The following AGBL1 variants were observed in gnomAD, a reference collection of about 807,000 sequenced individuals.
AGBL1 encodes AGBL carboxypeptidase 1.
Under a neutral mutation model 118.9 loss-of-function variants are expected in AGBL1, and 130 were observed. The observed-to-expected ratio is 1.09, with a 90% confidence interval of 0.95 to 1.26. The LOEUF (loss-of-function observed/expected upper bound fraction) is 1.26, where lower values mean the gene tolerates loss of function less well. Among genes scored for constraint, AGBL1 ranks in the 50% most tolerant of loss-of-function variants. The probability of loss-of-function intolerance (pLI) is 0.00; values close to 1 mark genes in which losing one functional copy is unlikely to be tolerated. For synonymous variants in AGBL1, 555 were observed against 478.9 expected (o/e 1.16, Z -2.08); for missense variants, 1,584 against 1,298.1 (o/e 1.22, Z -3.38).
At chr15:87,011,744 G>A (rs749254736) in intron 24 of AGBL1, among the ~76,000 whole-genome samples, 4 of 152,180 alleles carry the variant, frequency 2.6e-5, no homozygotes, top group Non-Finnish European at 5.9e-5. Flanking sequence ...TATTTTCTGA[G>A]ATATTTGCTT....
chr15:86,858,089 C>T (rs1192939288), intron 22 of AGBL1, among the ~76,000 whole-genome samples: 2 of 152,244 alleles, frequency 1.3e-5, no homozygotes, highest in East Asian at 3.9e-4. Flanking sequence ...CCCCTGATAC[C>T]ACTTTTACAA....
chr15:86,817,575 G>C lies in AGBL1; in HGVS notation c.3159-89512G>C, dbSNP rs201234620. Among the ~76,000 whole-genome samples, 65 of 130,716 alleles carry C rather than the reference G, an allele frequency of 5.0e-4. 1 individual carries two copies. The highest frequency in any genetic ancestry group is 1.8e-3 in the South Asian group (7 of 3,872). The allele number at this position is 130,716 out of a possible 152,430, so 85.8% of individuals were successfully genotyped here. A position where few individuals can be genotyped will look rare whatever the true frequency, so the allele number is the denominator to read the frequency against. On this transcript the variant is annotated intron_variant, in intron 22 of 22. Transcript: ENST00000614907. ...CACAGAGGAGAGAGAGAAAGAGACA[G>C]ACACACACACACACACACAGAGGAG...
intron 1 of AGBL1, among the ~76,000 whole-genome samples, chr15:86,096,878 G>A (rs1207974494): frequency 6.6e-6 from 1 of 152,098 alleles, no homozygotes; most frequent in Admixed American, 6.6e-5. Flanking sequence ...TCCCCTCTTT[G>A]TGAAATCACC....
chr15:86,994,711 A>C (rs1418464691), intron 24 of AGBL1, among the ~76,000 whole-genome samples: 2 of 152,224 alleles, frequency 1.3e-5, no homozygotes, highest in East Asian at 3.9e-4. Flanking sequence ...TTGTATTTAA[A>C]AATCACATAT....
chr15:86,708,523 G>A (rs1188615882), intron 22 of AGBL1, among the ~76,000 whole-genome samples: 3 of 152,084 alleles, frequency 2.0e-5, no homozygotes, highest in Non-Finnish European at 4.4e-5. Context: ...CCAGTTCGTG[G>A]TATTTGTTAC....
chr15:86,472,688 A>G (rs1021762808), intron 18 of AGBL1, among the ~76,000 whole-genome samples: 1 of 152,174 alleles, frequency 6.6e-6, no homozygotes, highest in African/African-American at 2.4e-5. Flanking sequence ...GGAGGCTGAG[A>G]TGGGTGGATC....
At chr15:86,505,039 T>C (rs1256508003) in intron 18 of AGBL1, among the ~76,000 whole-genome samples, 1 of 151,830 alleles carries the variant, frequency 6.6e-6, no homozygotes, top group Non-Finnish European at 1.5e-5. Context: ...ATAGAATTCT[T>C]GATGTTCAGT....
At chr15:86,196,031 TA>T (rs1193423650) in intron 5 of AGBL1, among the ~76,000 whole-genome samples, 4 of 152,234 alleles carry the variant, frequency 2.6e-5, no homozygotes, top group Non-Finnish European at 5.9e-5. Flanking sequence ...AGACATTTTT[TA>T]AAAACCATAG....
chr15:86,295,569 G>T (rs1269853586), intron 17 of AGBL1, 161 bp downstream of exon 17: 2 of 602,674 alleles, frequency 3.3e-6, no homozygotes, highest in East Asian at 6.3e-5. Flanking sequence ...TGACACAAAG[G>T]TTAAACATTA....
At chr15:86,816,328 C>T (rs139412316) in intron 22 of AGBL1, among the ~76,000 whole-genome samples, 234 of 152,240 alleles carry the variant, frequency 1.5e-3, no homozygotes, top group African/African-American at 5.1e-3. Context: ...TGTGATACAC[C>T]GCAGAATAGT....
intron 22 of AGBL1, among the ~76,000 whole-genome samples, chr15:86,904,993 T>C (rs2080262488): frequency 6.6e-6 from 1 of 152,168 alleles, no homozygotes; most frequent in Non-Finnish European, 1.5e-5. Context: ...TAAAAATAAA[T>C]TAATTTGTAA....
intron 23 of AGBL1, among the ~76,000 whole-genome samples, chr15:86,940,045 C>A: frequency 7.3e-6 from 1 of 137,752 alleles, no homozygotes. Flanking sequence ...ACAAACTCAG[C>A]TAATTTTGGT....
chr15:86,229,996 C>A (rs140700835), intron 6 of AGBL1, among the ~76,000 whole-genome samples: 123 of 152,192 alleles, frequency 8.1e-4, no homozygotes, highest in African/African-American at 2.7e-3. Flanking sequence ...GGCATGGGAA[C>A]AGAAAAGCAA....
intron 22 of AGBL1, among the ~76,000 whole-genome samples, chr15:86,716,049 G>A (rs1372335892): frequency 1.4e-5 from 2 of 140,020 alleles, no homozygotes; most frequent in African/African-American, 5.5e-5. Context: ...CTGGGCAACA[G>A]AGCAAGACTC....
chr15:86,537,334 G>A (rs992382329), intron 19 of AGBL1, among the ~76,000 whole-genome samples: 9 of 152,224 alleles, frequency 5.9e-5, no homozygotes, highest in African/African-American at 1.9e-4. Context: ...CTTCTACCTC[G>A]AGAACTTCAG....
chr15:86,706,803 C>A (rs1239165461), intron 22 of AGBL1, among the ~76,000 whole-genome samples: 1 of 152,004 alleles, frequency 6.6e-6, no homozygotes, highest in Non-Finnish European at 1.5e-5. Flanking sequence ...TAACTAGCCC[C>A]AAATTTAAAT....
chr15:86,084,369 G>A (rs1279450291), intron 1 of AGBL1, among the ~76,000 whole-genome samples: 1 of 152,162 alleles, frequency 6.6e-6, no homozygotes, highest in Admixed American at 6.5e-5. Context: ...ACTTGTGCCA[G>A]GCTTTTACCT....
intron 24 of AGBL1, among the ~76,000 whole-genome samples, chr15:87,013,135 C>T (rs1458861608): frequency 1.3e-5 from 2 of 152,192 alleles, no homozygotes; most frequent in African/African-American, 4.8e-5. Context: ...TGATATGTCT[C>T]TCAGGGCACT....
intron 17 of AGBL1, among the ~76,000 whole-genome samples, chr15:86,376,358 G>C (rs911319741): frequency 1.3e-5 from 2 of 152,176 alleles, no homozygotes; most frequent in Non-Finnish European, 2.9e-5. Context: ...TGATTTGCTG[G>C]ATCACTGCAC....
Sources: gnomAD v4.1 joint callset for allele counts (sites outside exome capture counted in the v4.1 genomes callset) on GRCh38, gnomAD v4.1.1 for gene constraint, MANE v1.5 for transcripts, NCBI Gene and HGNC (gene_info 2026-07-23, HGNC 2026-07-21) for gene names.